The following ADAR variants were observed in gnomAD, a reference collection of about 807,000 sequenced individuals.
ADAR encodes double-stranded RNA-specific adenosine deaminase.
A neutral mutation model predicts 113.2 loss-of-function variants in ADAR; 41 were observed. That is an observed-to-expected ratio of 0.36 (90% CI 0.28 to 0.47). The LOEUF (loss-of-function observed/expected upper bound fraction) is 0.47, where lower values mean the gene tolerates loss of function less well. ADAR is among the 20% of genes least tolerant of loss of function. ADAR has a pLI of 1.00. For synonymous variants in ADAR, 605 were observed against 572.6 expected, an observed-to-expected ratio of 1.06 and a Z score of -0.81; for missense variants, 1,242 against 1,540.9, an observed-to-expected ratio of 0.81 and a Z score of 3.25.
chr1:154,608,329 CTTTT>C (rs560819918), upstream of ADAR: 204 of 286,730 alleles, frequency 7.1e-4, no homozygotes, highest in South Asian at 1.3e-3. Context: ...ACGGAAGGTA[CTTTT>C]TTTTTTTTTT....
chr1:154,587,457 T>C (rs1696838765), intron 11 of ADAR, among the ~76,000 whole-genome samples: 1 of 152,198 alleles, frequency 6.6e-6, no homozygotes, highest in Non-Finnish European at 1.5e-5. Flanking sequence ...GCCATGAACA[T>C]TCACATATTA....
At chr1:154,602,924 G>C (rs1697981753) in intron 1 of ADAR, among the ~76,000 whole-genome samples, 1 of 152,170 alleles carries the variant, frequency 6.6e-6, no homozygotes, top group Non-Finnish European at 1.5e-5. Flanking sequence ...CCCTTTGACA[G>C]AATTTAAGGG....
intron 1 of ADAR, among the ~76,000 whole-genome samples, chr1:154,614,481 A>G (rs9427102): frequency 0.38 from 57,794 of 152,122 alleles, 12,816 homozygotes; most frequent in East Asian, 0.54. Flanking sequence ...CCCTATCTCC[A>G]TGGCTTGTAG....
At position 154,617,882 on chromosome 1, in the gene ADAR, C is replaced by G. The variant is rs188738724; in HGVS notation, c.-871+9973G>C. On this transcript the variant is annotated intron_variant, in intron 1 of 14. Coordinates refer to the ADAR transcript ENST00000368471. ...TTATGAAACAAAAATAAGAGATAAA[C>G]TATTAAAAAGAAAAATAGATTATTT... 1.9e-3 allele frequency among the ~76,000 whole-genome samples: 282 copies of G among 151,642 alleles called. 1 individual carries two copies. Among genetic ancestry groups the G allele is most frequent in the African/African-American group, 6.1e-3 (252 of 41,400 alleles).
At chr1:154,618,069 T>G (rs1047472047) in intron 1 of ADAR, among the ~76,000 whole-genome samples, 1 of 150,652 alleles carries the variant, frequency 6.6e-6, no homozygotes, top group African/African-American at 2.4e-5. Context: ...TATATATTCT[T>G]TATATAGTAA....
At chr1:154,606,277 C>T (rs775291405) in intron 1 of ADAR, among the ~76,000 whole-genome samples, 11 of 152,118 alleles carry the variant, frequency 7.2e-5, no homozygotes, top group Non-Finnish European at 1.5e-4. Context: ...CCTGATCCGC[C>T]CTCCTCGGCC....
intron 1 of ADAR, among the ~76,000 whole-genome samples, chr1:154,614,382 G>A (rs762440596): frequency 2.0e-5 from 3 of 152,198 alleles, no homozygotes; most frequent in Non-Finnish European, 4.4e-5. Context: ...GGACCCAAAG[G>A]GGGAGATCTC....
chr1:154,585,775 G>C lies in ADAR; in HGVS notation c.3293C>G (p.Pro1098Arg). The C allele has an allele frequency of 6.2e-7, 1 of 1,613,872 alleles. No individual in the cohort carries two copies. Among genetic ancestry groups the C allele is most frequent in the Non-Finnish European group, 8.5e-7 (1 of 1,179,776 alleles). ...GSAFEDGLRH[P>R]FIVNHPKVGR... ...CACCTTGGGGTGGTTGACAATAAAG[G>C]GATGTCGTAGTCCATCCTCAAATGC... Residue 1098 changes from proline to arginine, a missense_variant, in exon 13 of 15, where the codon CCC (proline) becomes CGC (arginine). Coordinates refer to ENST00000368474, the MANE Select transcript of ADAR (RefSeq NM_001111.5).
rs767100926 is a variant in ADAR, at chr1:154,601,483, C to T, written c.1159G>A (p.Ala387Thr). The change falls in exon 2 of 15, where the codon GCA becomes ACA. Residue 387 changes from alanine (A) to threonine (T), a missense_variant. Physicochemically the swap from Ala to Thr is moderately conservative, Grantham distance 58 (BLOSUM62 0). Transcript: ENST00000368474. This position sits in a 1 kb window ranked among gnomAD's most constrained non-coding sequence, Gnocchi z 4.7. Reference sequence around the variant, plus strand: ...GGTATATTACAGGTGAGGAACTCTGCGTTTCTTTTGGTCTCAGGGATTGCA... The same window carrying T: ...GGTATATTACAGGTGAGGAACTCTGTGTTTCTTTTGGTCTCAGGGATTGCA... ...PAAIPETKRN[A>T]EFLTCNIPTS... The T allele has an allele frequency of 9.3e-6, 15 of 1,614,012 alleles. No individual in the cohort carries two copies. The highest frequency in any genetic ancestry group is 1.1e-5 in the Non-Finnish European group (13 of 1,180,046).
Position 154,584,432 on chromosome 1 carries a change from C to A in ADAR, c.*374G>T, listed in dbSNP as rs540492044. On this transcript the variant is annotated 3_prime_UTR_variant, in exon 15 of 15. Coordinates refer to ENST00000368474, the MANE Select transcript of ADAR (RefSeq NM_001111.5). ...GATCCAGAGTTGACTGAAACCTAAT[C>A]AAGACCGCAAGAGGTCAGTGTAGCA... is the stretch of plus-strand genomic sequence containing the variant. 3.1e-5 allele frequency: 7 copies of A among 224,794 alleles called. No individual in the cohort carries two copies. The South Asian group carries it at 4.2e-4, about 14-fold the overall frequency. 13.9% of individuals were successfully genotyped at this position (224,794 alleles called of 1,614,324 possible).
chr1:154,618,053 C>T (rs929165515), intron 1 of ADAR, among the ~76,000 whole-genome samples: 1 of 150,564 alleles, frequency 6.6e-6, no homozygotes, highest in Admixed American at 6.6e-5. Context: ...ATATATGCAT[C>T]TAAAGTATAT....
At chr1:154,608,845 T>TGGGGGGG (rs1557898287), upstream of ADAR, 1 of 86,986 alleles carries the variant, frequency 1.1e-5, no homozygotes. Context: ...GGGGAGGGGA[T>TGGGGGGG]GGGCGGGAGC....
Position 154,597,884 on chromosome 1 carries a change from CA to C in ADAR, c.1877del (p.Leu626TrpfsTer35). The C allele has an allele frequency of 6.2e-7, 1 of 1,614,126 alleles. No individual in the cohort carries two copies. Among genetic ancestry groups the C allele is most frequent in the Non-Finnish European group, 8.5e-7 (1 of 1,180,034 alleles). On this transcript the variant is annotated frameshift_variant, in exon 4 of 15. Coordinates refer to ENST00000368474, the MANE Select transcript of ADAR (RefSeq NM_001111.5). LOFTEE classifies it high-confidence loss of function. ...VTTLLECMHK[L>X]GNSCEFRLLS... ...GGAGACGGAATTCGCAGGAGTTCCC[CA>C]ATTTGTGCATACACTCAAGCAGTGT...
At chr1:154,598,284 T>G in intron 3 of ADAR, 118 bp downstream of exon 3, 1 of 1,145,482 alleles carries the variant, frequency 8.7e-7, no homozygotes, top group South Asian at 1.3e-5. Context: ...GAGGGAAGAG[T>G]GGGAAGCTGA....
chr1:154,598,543 TG>T lies in ADAR; in HGVS notation c.1643del (p.Pro548GlnfsTer16), dbSNP rs1189803379. On this transcript the variant is annotated frameshift_variant, in exon 3 of 15. Transcript: ENST00000368474. LOFTEE classifies it high-confidence loss of function. ...QVVINGREFPPAEAGSKKVAK... is the reference protein window; with the variant it reads ...QVVINGREFPXAEAGSKKVAK... ...CCACTTTCTTGCTTCCAGCTTCAGC[TG>T]GGGGAAACTCTCGGCCATTGATGAC... 6.2e-7 allele frequency: 1 copy of T among 1,614,104 alleles called. No individual in the cohort carries two copies. Among genetic ancestry groups the T allele is most frequent in the Non-Finnish European group, 8.5e-7 (1 of 1,180,038 alleles).
intron 2 of ADAR, among the ~76,000 whole-genome samples, chr1:154,598,995 T>C (rs1450146682): frequency 4.6e-5 from 7 of 152,224 alleles, no homozygotes; most frequent in Non-Finnish European, 7.3e-5. Flanking sequence ...GGGAGGGTCC[T>C]AAAAGATAGT....
intron 1 of ADAR, chr1:154,605,877 G>A: frequency 3.1e-6 from 2 of 642,754 alleles, no homozygotes; most frequent in Non-Finnish European, 3.9e-6. Context: ...TTTCAAAGTG[G>A]CTAGAGTCAG....
chr1:154,590,440 A>T, intron 6 of ADAR, 31 bp from the exon 7 acceptor site: 1 of 1,601,572 alleles, frequency 6.2e-7, no homozygotes, highest in Non-Finnish European at 8.6e-7. Context: ...AATGAAGACA[A>T]GTGCCAGACC....
intron 12 of ADAR, 68 bp downstream of exon 12, chr1:154,586,113 A>G: frequency 6.3e-7 from 1 of 1,586,894 alleles, no homozygotes. Context: ...CTGGCAATAA[A>G]GCATGCAGTT....
Sources: gnomAD v4.1 joint callset for allele counts (sites outside exome capture counted in the v4.1 genomes callset) on GRCh38, gnomAD v4.1.1 for gene constraint, Gnocchi (gnomAD v3.1) non-coding constraint, MANE v1.5 for transcripts, NCBI Gene and HGNC (gene_info 2026-07-23, HGNC 2026-07-21) for gene names.